PCDH9: variants seen among roughly 807,000 people sequenced by gnomAD.
PCDH9 encodes protocadherin-9.
A neutral mutation model predicts 70.6 loss-of-function variants in PCDH9; 24 were observed. The observed-to-expected ratio is 0.34, with a 90% CI of 0.25 to 0.48. The LOEUF (loss-of-function observed/expected upper bound fraction) is 0.48. Among genes scored for constraint, PCDH9 ranks in the 20% least tolerant of loss-of-function variants. The pLI, the probability that PCDH9 is intolerant of heterozygous loss-of-function variation, is 0.99. For synonymous variants in PCDH9, 562 were observed against 558.5 expected (o/e 1.01, Z -0.09); for missense variants, 1,281 against 1,503.6 (o/e 0.85, Z 2.45).
chr13:66,888,043 G>A (rs1210452760), intron 3 of PCDH9, among the ~76,000 whole-genome samples: 2 of 152,160 alleles, frequency 1.3e-5, no homozygotes, highest in Non-Finnish European at 2.9e-5. Flanking sequence ...CTGTGACATG[G>A]TTTTACTGAA....
intron 3 of PCDH9, among the ~76,000 whole-genome samples, chr13:66,725,110 T>C: frequency 6.6e-6 from 1 of 152,148 alleles, no homozygotes; most frequent in East Asian, 1.9e-4. Context: ...ACTCCCTAAA[T>C]GCTCCATCAC....
Position 66,980,730 on chromosome 13 carries a change from G to GTTTTTTTTTTTT in PCDH9, c.3037-77126_3037-77125insAAAAAAAAAAAA. The stretch of plus-strand genomic sequence containing the variant: ...TTTGTTTTTTCCTGTTTTTTTCTTT[G>GTTTTTTTTTTTT]TTTTTTTTTTTGTTTTTTTTTTTAC... On this transcript the variant is annotated intron_variant, in intron 2 of 4. Transcript: ENST00000377865. Among the ~76,000 whole-genome samples, 478 of 70,882 alleles carry GTTTTTTTTTTTT rather than the reference G, an allele frequency of 6.7e-3. 15 individuals carry two copies. Among genetic ancestry groups the GTTTTTTTTTTTT allele is most frequent in the Middle Eastern group, 0.067 (4 of 60 alleles). 46.5% of individuals were successfully genotyped at this position (70,882 alleles called of 152,430 possible).
intron 4 of PCDH9, among the ~76,000 whole-genome samples, chr13:66,510,233 T>A (rs1671743590): frequency 6.6e-6 from 1 of 152,134 alleles, no homozygotes; most frequent in East Asian, 1.9e-4. Context: ...GTTAGCATTT[T>A]AATGTGCCTC....
intron 2 of PCDH9, among the ~76,000 whole-genome samples, chr13:67,109,118 T>C (rs1323581936): frequency 6.6e-6 from 1 of 152,162 alleles, no homozygotes; most frequent in Non-Finnish European, 1.5e-5. Flanking sequence ...CTTTAGACTC[T>C]CACAAATTTG....
chr13:66,472,284 C>T (rs1316090722), intron 4 of PCDH9, among the ~76,000 whole-genome samples: 1 of 151,000 alleles, frequency 6.6e-6, no homozygotes, highest in Non-Finnish European at 1.5e-5. Flanking sequence ...GAAAGAAAAA[C>T]CCAGGTCAGG....
chr13:67,045,197 T>C (rs2085199562), intron 2 of PCDH9, among the ~76,000 whole-genome samples: 1 of 152,114 alleles, frequency 6.6e-6, no homozygotes, highest in Non-Finnish European at 1.5e-5. Flanking sequence ...TCATGGCCTA[T>C]CACCAACTGT....
intron 3 of PCDH9, among the ~76,000 whole-genome samples, chr13:66,877,118 A>G (rs1213808812): frequency 6.6e-6 from 1 of 151,880 alleles, no homozygotes; most frequent in Non-Finnish European, 1.5e-5. Context: ...TTTATATTTA[A>G]AATAATAAAA....
At chr13:66,612,041 C>T (rs2077299293) in intron 4 of PCDH9, among the ~76,000 whole-genome samples, 1 of 152,166 alleles carries the variant, frequency 6.6e-6, no homozygotes, top group Non-Finnish European at 1.5e-5. Context: ...GATATATTTG[C>T]TGGGATATTT....
chr13:66,446,180 A>T (rs1341075647), intron 4 of PCDH9, among the ~76,000 whole-genome samples: 1 of 152,030 alleles, frequency 6.6e-6, no homozygotes, highest in Non-Finnish European at 1.5e-5. Context: ...TGAACCTTTC[A>T]ATTTTTGAAA....
chr13:66,737,861 G>C (rs1172277491), intron 3 of PCDH9, among the ~76,000 whole-genome samples: 1 of 151,954 alleles, frequency 6.6e-6, no homozygotes, highest in African/African-American at 2.4e-5. Flanking sequence ...ATGGAATCTC[G>C]TTGATTGCTA....
chr13:66,379,911 C>A (rs1275911087), intron 4 of PCDH9, among the ~76,000 whole-genome samples: 1 of 151,892 alleles, frequency 6.6e-6, no homozygotes, highest in Non-Finnish European at 1.5e-5. Context: ...CTAGTTGGGG[C>A]AAATGGCCTG....
intron 3 of PCDH9, among the ~76,000 whole-genome samples, chr13:66,863,496 T>G (rs2081517860): frequency 6.6e-6 from 1 of 152,174 alleles, no homozygotes; most frequent in Admixed American, 6.6e-5. Context: ...TGTTTTGTTT[T>G]GTTTTTCTGA....
chr13:66,522,036 C>CAT (rs34150352), intron 4 of PCDH9, among the ~76,000 whole-genome samples: 58,863 of 145,026 alleles, frequency 0.41, 12,874 homozygotes, highest in East Asian at 0.63. Context: ...TGTATATATA[C>CAT]ATATATATAT....
chr13:67,224,705 TCA>T, intron 2 of PCDH9: 1 of 481,878 alleles, frequency 2.1e-6, no homozygotes, highest in Non-Finnish European at 2.7e-6. Context: ...TCTTTTTAAA[TCA>T]GTTATATTAG....
intron 2 of PCDH9, chr13:67,208,975 T>G (rs2089414712): frequency 6.6e-6 from 1 of 152,122 alleles, no homozygotes; most frequent in South Asian, 2.1e-4. Flanking sequence ...TTACTTTAGG[T>G]GAAATTTTAG....
chr13:66,973,844 C>G (rs2083567271), intron 2 of PCDH9, among the ~76,000 whole-genome samples: 1 of 151,922 alleles, frequency 6.6e-6, no homozygotes, highest in African/African-American at 2.4e-5. Context: ...AGCCATTTCC[C>G]CAAGGTTTGT....
chr13:66,662,383 G>C (rs560730398), intron 3 of PCDH9, among the ~76,000 whole-genome samples: 12 of 151,952 alleles, frequency 7.9e-5, no homozygotes, highest in Non-Finnish European at 1.5e-4. Context: ...TTAGGCAGGA[G>C]AATTGTTTGA....
chr13:66,615,404 A>T (rs550290311), intron 4 of PCDH9, among the ~76,000 whole-genome samples: 16 of 152,352 alleles, frequency 1.1e-4, no homozygotes, highest in African/African-American at 3.8e-4. Context: ...ATCAATCATA[A>T]TTAAAGTTGT....
At chr13:67,145,589 G>A (rs1039083145) in intron 2 of PCDH9, among the ~76,000 whole-genome samples, 1 of 139,136 alleles carries the variant, frequency 7.2e-6, no homozygotes, top group Non-Finnish European at 1.6e-5. Flanking sequence ...AGTATAAAAT[G>A]GTAGACTATA....
Sources: allele counts gnomAD v4.1 joint callset (sites outside exome capture counted in the v4.1 genomes callset), GRCh38; gene constraint gnomAD v4.1.1; transcripts MANE v1.5; gene names NCBI Gene and HGNC (gene_info 2026-07-23, HGNC 2026-07-21).